C1QTNF3: variants seen among roughly 807,000 people sequenced by gnomAD.
C1QTNF3 encodes complement C1q tumor necrosis factor-related protein 3.
C1QTNF3 carries 26 observed loss-of-function variants against 32.6 expected under a neutral mutation model. The ratio of observed to expected loss-of-function variants is 0.80; its 90% CI spans 0.58 to 1.11. The LOEUF (loss-of-function observed/expected upper bound fraction) is 1.11, where lower values mean the gene tolerates loss of function less well. C1QTNF3 is among the 50% of genes least tolerant of loss of function. The pLI is 0.00. For synonymous variants in C1QTNF3, 155 were observed against 146.0 expected (o/e 1.06, Z -0.44); for missense variants, 362 against 398.2 (o/e 0.91, Z 0.77).
chr5:34,224,217 C>A, the C1QTNF3 span, among the ~76,000 whole-genome samples: 1 of 152,134 alleles, frequency 6.6e-6, no homozygotes, highest in African/African-American at 2.4e-5. Flanking sequence ...GTGAAAATGG[C>A]CATACTGCCC....
the C1QTNF3 span, among the ~76,000 whole-genome samples, chr5:34,062,091 G>A: frequency 1.3e-5 from 2 of 152,148 alleles, no homozygotes; most frequent in African/African-American, 4.8e-5. Flanking sequence ...TCTCTCTCAA[G>A]TTCAAAGTTC....
the C1QTNF3 span, among the ~76,000 whole-genome samples, chr5:34,210,432 T>C: frequency 5.9e-5 from 9 of 152,036 alleles, no homozygotes; most frequent in African/African-American, 1.9e-4. Context: ...CTTTGACACA[T>C]TGGTTAACCT....
chr5:34,209,425 TAATA>T, the C1QTNF3 span, among the ~76,000 whole-genome samples: 1 of 150,768 alleles, frequency 6.6e-6, no homozygotes, highest in Admixed American at 6.6e-5. Context: ...AAATAAAAGT[TAATA>T]AATAAAGTAA....
chr5:34,054,881 T>C, the C1QTNF3 span, among the ~76,000 whole-genome samples: 1 of 152,158 alleles, frequency 6.6e-6, no homozygotes, highest in African/African-American at 2.4e-5. Flanking sequence ...ATTATCATCA[T>C]CACTACTCTC....
At chr5:34,233,974 TTTC>T in the C1QTNF3 span, among the ~76,000 whole-genome samples, 1 of 152,144 alleles carries the variant, frequency 6.6e-6, no homozygotes, top group African/African-American at 2.4e-5. Context: ...TGCAATCCTT[TTTC>T]TTATTTAAAA....
chr5:34,220,409 T>G, the C1QTNF3 span, among the ~76,000 whole-genome samples: 10 of 151,842 alleles, frequency 6.6e-5, no homozygotes, highest in Admixed American at 6.6e-4. Context: ...CCTTCTCTAT[T>G]TCACCCAGTT....
chr5:34,058,492 A>G, the C1QTNF3 span, among the ~76,000 whole-genome samples: 1 of 152,210 alleles, frequency 6.6e-6, no homozygotes, highest in Non-Finnish European at 1.5e-5. Flanking sequence ...CACTCAGTAT[A>G]CAGACCCCCA....
At chr5:34,105,985 TA>T in the C1QTNF3 span, 1 of 145,566 alleles carries the variant, frequency 6.9e-6, no homozygotes, top group Non-Finnish European at 1.5e-5. Context: ...TACAACCTTT[TA>T]AAAAATTAGC....
the C1QTNF3 span, among the ~76,000 whole-genome samples, chr5:34,066,600 T>C: frequency 6.6e-6 from 1 of 151,910 alleles, no homozygotes; most frequent in East Asian, 1.9e-4. Flanking sequence ...TCCTTCTGTG[T>C]GATAATGACG....
At chr5:34,056,622 C>T in the C1QTNF3 span, among the ~76,000 whole-genome samples, 2 of 151,454 alleles carry the variant, frequency 1.3e-5, no homozygotes, top group African/African-American at 4.9e-5. Flanking sequence ...AAGTGATCCT[C>T]CGACCTCAGC....
At chr5:34,049,902 G>C in the C1QTNF3 span, among the ~76,000 whole-genome samples, 1 of 152,136 alleles carries the variant, frequency 6.6e-6, no homozygotes, top group African/African-American at 2.4e-5. Context: ...AAAGTCTACT[G>C]ATTTAAATAT....
At chr5:34,111,048 T>C in the C1QTNF3 span, among the ~76,000 whole-genome samples, 2 of 152,362 alleles carry the variant, frequency 1.3e-5, no homozygotes, top group South Asian at 2.1e-4. Context: ...GTCTCACTTC[T>C]TTGTTAAGCC....
chr5:34,164,795 G>A, the C1QTNF3 span: 67 of 147,728 alleles, frequency 4.5e-4, no homozygotes, highest in Middle Eastern at 3.5e-3. Flanking sequence ...TAATCACAGT[G>A]TTTCAATTCC....
the C1QTNF3 span, among the ~76,000 whole-genome samples, chr5:34,056,931 A>G: frequency 1.3e-5 from 2 of 152,172 alleles, no homozygotes; most frequent in Admixed American, 1.3e-4. Context: ...ACAAATAGTA[A>G]CCTACTAATG....
chr5:34,076,644 G>C, the C1QTNF3 span, among the ~76,000 whole-genome samples: 1 of 151,538 alleles, frequency 6.6e-6, no homozygotes, highest in African/African-American at 2.4e-5. Context: ...GGACATGTAT[G>C]TTCAGAAAAA....
At chr5:34,085,857 C>A in the C1QTNF3 span, among the ~76,000 whole-genome samples, 19 of 151,522 alleles carry the variant, frequency 1.3e-4, no homozygotes, top group Admixed American at 6.6e-5. Flanking sequence ...TAAATTTGTT[C>A]AATCATTGTG....
chr5:34,083,049 AAAGAC>A, the C1QTNF3 span, among the ~76,000 whole-genome samples: 1 of 151,420 alleles, frequency 6.6e-6, no homozygotes, highest in African/African-American at 2.5e-5. Flanking sequence ...AGTAAGTGAC[AAAGAC>A]AAGGTTCAAA....
the C1QTNF3 span, among the ~76,000 whole-genome samples, chr5:34,089,220 T>C: frequency 6.6e-6 from 1 of 152,200 alleles, no homozygotes; most frequent in East Asian, 1.9e-4. Flanking sequence ...AAATAAAATG[T>C]TGGCAATCTA....
At chr5:34,063,350 C>T in the C1QTNF3 span, among the ~76,000 whole-genome samples, 1 of 151,850 alleles carries the variant, frequency 6.6e-6, no homozygotes, top group South Asian at 2.1e-4. Context: ...CTTTCTCTCT[C>T]CTCTGTCTCT....
Sources: allele counts gnomAD v4.1 joint callset (sites outside exome capture counted in the v4.1 genomes callset), GRCh38; gene constraint gnomAD v4.1.1; transcripts MANE v1.5; gene names NCBI Gene and HGNC (gene_info 2026-07-23, HGNC 2026-07-21).